Variants in DPY19L2 observed in about 807,000 individuals in gnomAD.
DPY19L2 encodes the protein dpy-19 like 2.
Under a neutral mutation model 97.9 loss-of-function variants are expected in DPY19L2, and 34 were observed. The ratio of observed to expected loss-of-function variants is 0.35; its 90% CI spans 0.26 to 0.46. The LOEUF (loss-of-function observed/expected upper bound fraction) is 0.46. DPY19L2 is among the 20% of genes least tolerant of loss of function. DPY19L2 has a pLI of 1.00. For synonymous variants in DPY19L2, 230 were observed against 307.9 expected (o/e 0.75, Z 2.65); for missense variants, 623 against 911.4 (o/e 0.68, Z 4.07).
At chr12:63,667,602 T>G (rs931145108) in intron 1 of DPY19L2, among the ~76,000 whole-genome samples, 2 of 152,154 alleles carry the variant, frequency 1.3e-5, no homozygotes, top group Non-Finnish European at 2.9e-5. Flanking sequence ...CTTCTTTTAT[T>G]TCCACTTTAA....
At chr12:63,639,064 T>C (rs1429716231) in intron 6 of DPY19L2, among the ~76,000 whole-genome samples, 3 of 152,068 alleles carry the variant, frequency 2.0e-5, no homozygotes, top group Admixed American at 1.3e-4. Flanking sequence ...TCTACAACCA[T>C]CTGATCTTTG....
chr12:63,613,187 AAG>A (rs1366193409), intron 11 of DPY19L2, among the ~76,000 whole-genome samples: 12 of 152,130 alleles, frequency 7.9e-5, no homozygotes, highest in Admixed American at 5.2e-4. Context: ...AAAAAAGACA[AAG>A]ATGTCACAAG....
chr12:63,653,232 C>A (rs1211805613), intron 4 of DPY19L2, among the ~76,000 whole-genome samples: 1 of 151,712 alleles, frequency 6.6e-6, no homozygotes, highest in African/African-American at 2.4e-5. Flanking sequence ...TGGAAGGAGA[C>A]AGGAAAGAGG....
chr12:63,566,230 T>TA lies in DPY19L2; in HGVS notation c.2126+2993_2126+2994insT, dbSNP rs1422269533. ...CTTGCTATAGTGCTCTTTTGTTTTT[T>TA]TAAAAAAACTTTTTATTTCAAGACA... On this transcript the variant is annotated intron_variant, in intron 21 of 21. Coordinates refer to ENST00000324472, the MANE Select transcript of DPY19L2 (RefSeq NM_173812.5). Among the ~76,000 whole-genome samples, 1,109 of 152,100 alleles carry TA rather than the reference T, an allele frequency of 7.3e-3. 18 individuals carry two copies. The highest frequency in any genetic ancestry group is 0.025 in the African/African-American group (1,040 of 41,478).
chr12:63,593,709 G>A (rs1883589861), intron 16 of DPY19L2, among the ~76,000 whole-genome samples: 2 of 152,034 alleles, frequency 1.3e-5, no homozygotes, highest in East Asian at 3.9e-4. Flanking sequence ...GTTAATGGGT[G>A]CAGCACACCA....
At position 63,560,557 on chromosome 12, in the gene DPY19L2, G is replaced by A; in HGVS notation, c.2232C>T (p.Thr744=). ...VLLEDARPYF[T]TVFQNSVYRV... is the part of the protein sequence containing the mutation. ...TGTACACACTATTCTGAAATACTGT[G>A]GTGAAGTAAGGCCTGGCGTCTTCGA... Residue 744 remains threonine, a synonymous_variant, in exon 22 of 22, where the codon ACC becomes ACT. Transcript: ENST00000324472. 1 of 1,613,990 alleles carries A rather than the reference G, an allele frequency of 6.2e-7. No individual in the cohort carries two copies. The highest frequency in any genetic ancestry group is 8.5e-7 in the Non-Finnish European group (1 of 1,179,928).
chr12:63,617,038 A>G (rs2458433), intron 11 of DPY19L2, among the ~76,000 whole-genome samples: 1 of 152,330 alleles, frequency 6.6e-6, no homozygotes, highest in African/African-American at 2.4e-5. Flanking sequence ...AGTCATTTTT[A>G]TCATAAAATG....
At chr12:63,616,053 T>C (rs1230918725) in intron 11 of DPY19L2, among the ~76,000 whole-genome samples, 1 of 152,148 alleles carries the variant, frequency 6.6e-6, no homozygotes, top group Admixed American at 6.5e-5. Context: ...ATTTAAAGTA[T>C]ATAGGAAGAT....
intron 6 of DPY19L2, among the ~76,000 whole-genome samples, chr12:63,629,683 A>G (rs1169091629): frequency 1.3e-5 from 2 of 152,168 alleles, no homozygotes; most frequent in Non-Finnish European, 2.9e-5. Context: ...CTAGCAAGGC[A>G]GGCCAACATT....
In DPY19L2 at chr12:63,661,389, A is replaced by G; in HGVS notation, c.543T>C (p.Tyr181=). ...GTTTTATTGCATTAATTATAAGAGG[A>G]TATTCAGTAAGCCTGTCATTCATAA... ...WMIMNDRLTE[Y]PLIINAIKRF... The change falls in exon 4 of 22, where the codon TAT becomes TAC. Residue 181 remains tyrosine (Y), a synonymous_variant. Transcript: ENST00000324472. 6.2e-7 allele frequency: 1 copy of G among 1,601,626 alleles called. No homozygotes were observed. Among genetic ancestry groups the G allele is most frequent in the South Asian group, 1.1e-5 (1 of 87,872 alleles).
chr12:63,648,746 T>C (rs1299823018), intron 4 of DPY19L2, among the ~76,000 whole-genome samples: 1 of 152,014 alleles, frequency 6.6e-6, no homozygotes, highest in African/African-American at 2.4e-5. Flanking sequence ...CTAGTTAAAA[T>C]AGCAGGTTTA....
chr12:63,653,163 C>T (rs1161071224), intron 4 of DPY19L2, among the ~76,000 whole-genome samples: 3 of 152,078 alleles, frequency 2.0e-5, no homozygotes, highest in African/African-American at 7.2e-5. Context: ...ACAAACAAAA[C>T]AGCCCTAGGG....
intron 8 of DPY19L2, among the ~76,000 whole-genome samples, chr12:63,622,121 T>C: frequency 6.6e-6 from 1 of 152,208 alleles, no homozygotes; most frequent in East Asian, 1.9e-4. Context: ...TTATGTACTT[T>C]GTAATCTTAT....
intron 17 of DPY19L2, among the ~76,000 whole-genome samples, 191 bp from the exon 18 acceptor site, chr12:63,582,716 C>T (rs1403431625): frequency 6.6e-6 from 1 of 152,140 alleles, no homozygotes; most frequent in African/African-American, 2.4e-5. Context: ...GCTTCGGATA[C>T]AGCAGTGAGC....
At chr12:63,575,132 A>G (rs1879589134) in intron 19 of DPY19L2, among the ~76,000 whole-genome samples, 1 of 88,330 alleles carries the variant, frequency 1.1e-5, no homozygotes, top group Non-Finnish European at 2.1e-5. Flanking sequence ...TCTGACCACA[A>G]TGGAAAAAAA....
intron 16 of DPY19L2, among the ~76,000 whole-genome samples, chr12:63,593,226 G>C (rs1056655377): frequency 3.3e-5 from 5 of 152,202 alleles, no homozygotes; most frequent in African/African-American, 4.8e-5. Flanking sequence ...GTGGAAGTCA[G>C]TGTGGCGATT....
At chr12:63,632,352 G>A (rs920313306) in intron 6 of DPY19L2, among the ~76,000 whole-genome samples, 1 of 152,080 alleles carries the variant, frequency 6.6e-6, no homozygotes, top group African/African-American at 2.4e-5. Context: ...AAGCTGATAG[G>A]CAACTTCAGC....
intron 16 of DPY19L2, among the ~76,000 whole-genome samples, chr12:63,586,334 A>G (rs866274400): frequency 6.6e-6 from 1 of 152,212 alleles, no homozygotes; most frequent in Admixed American, 6.5e-5. Context: ...GTCAAGGAAA[A>G]ATAAATCAGT....
chr12:63,592,359 G>A (rs1402504943), intron 16 of DPY19L2, among the ~76,000 whole-genome samples: 1 of 150,208 alleles, frequency 6.7e-6, no homozygotes, highest in Non-Finnish European at 1.5e-5. Flanking sequence ...GAACAAAGCT[G>A]GAGGCATCAC....
Sources: gnomAD v4.1 joint callset for allele counts (sites outside exome capture counted in the v4.1 genomes callset) on GRCh38, gnomAD v4.1.1 for gene constraint, MANE v1.5 for transcripts, NCBI Gene and HGNC (gene_info 2026-07-23, HGNC 2026-07-21) for gene names.